DPP6: variants seen among roughly 807,000 people sequenced by gnomAD.
DPP6 encodes dipeptidyl peptidase like 6.
DPP6 carries 69 observed loss-of-function variants against 122.6 expected under a neutral mutation model. The ratio of observed to expected loss-of-function variants is 0.56; its 90% CI spans 0.46 to 0.69. The LOEUF (loss-of-function observed/expected upper bound fraction) is 0.69, where lower values mean the gene tolerates loss of function less well. Ranked by LOEUF, DPP6 falls within the 30% of genes least tolerant of loss-of-function variation. The pLI is 0.00. For missense variants in DPP6, 928 were observed against 1,116.9 expected (o/e 0.83, Z 2.41); for synonymous variants, 418 against 433.1 (o/e 0.97, Z 0.43).
At chr7:154,782,714 C>T (rs1470122201) in intron 10 of DPP6, among the ~76,000 whole-genome samples, 2 of 152,104 alleles carry the variant, frequency 1.3e-5, no homozygotes, top group Admixed American at 6.5e-5. Flanking sequence ...AAGTGCTTGT[C>T]CCCACCCCCA....
intron 1 of DPP6, among the ~76,000 whole-genome samples, chr7:154,156,168 G>C (rs1023824580): frequency 6.6e-6 from 1 of 151,914 alleles, no homozygotes. Context: ...GGGTCATCCC[G>C]AGGCCCTGTG....
At chr7:154,876,756 G>A (rs1355129441) in intron 20 of DPP6, 1 of 152,226 alleles carries the variant, frequency 6.6e-6, no homozygotes, top group Non-Finnish European at 1.5e-5. Context: ...TCAAGACACT[G>A]CGCCAGGCTG....
At chr7:154,305,016 C>CAG in intron 1 of DPP6, 2 of 152,640 alleles carry the variant, frequency 1.3e-5, no homozygotes, top group Admixed American at 6.7e-5. Flanking sequence ...TCCGCGGCCC[C>CAG]CTCCCCAGCC....
At chr7:154,086,763 G>A (rs1462790239) in intron 1 of DPP6, among the ~76,000 whole-genome samples, 1 of 151,784 alleles carries the variant, frequency 6.6e-6, no homozygotes, top group Non-Finnish European at 1.5e-5. Flanking sequence ...GCATTACAGG[G>A]GCCCATCACC....
intron 6 of DPP6, among the ~76,000 whole-genome samples, chr7:154,663,880 A>G (rs1837950447): frequency 9.2e-6 from 1 of 108,442 alleles, no homozygotes; most frequent in African/African-American, 2.7e-5. Context: ...TATTGGCCGT[A>G]GTGTTCATAT....
At chr7:154,812,631 A>G (rs1799142175) in intron 16 of DPP6, among the ~76,000 whole-genome samples, 1 of 151,966 alleles carries the variant, frequency 6.6e-6, no homozygotes, top group South Asian at 2.1e-4. Context: ...CACTCTTGGG[A>G]CCTAATCACC....
At chr7:154,012,133 A>C (rs1014023049) in intron 1 of DPP6, among the ~76,000 whole-genome samples, 2 of 152,224 alleles carry the variant, frequency 1.3e-5, no homozygotes, top group African/African-American at 4.8e-5. Flanking sequence ...CAAAGAAGAC[A>C]CTATTAGAGC....
intron 8 of DPP6, among the ~76,000 whole-genome samples, chr7:154,734,544 G>A (rs1022559417): frequency 7.2e-5 from 11 of 152,334 alleles, no homozygotes; most frequent in African/African-American, 2.6e-4. Context: ...TTGGAATGAT[G>A]TTCAAATATG....
the DPP6 span, among the ~76,000 whole-genome samples, chr7:153,791,022 A>T: frequency 1.3e-5 from 2 of 152,220 alleles, no homozygotes; most frequent in Non-Finnish European, 2.9e-5. Flanking sequence ...TTGACTTTTC[A>T]TGATATAGTG....
At chr7:154,314,529 G>A (rs1426149437) in intron 1 of DPP6, among the ~76,000 whole-genome samples, 1 of 152,150 alleles carries the variant, frequency 6.6e-6, no homozygotes, top group Admixed American at 6.5e-5. Context: ...CAAAGGGCAC[G>A]TCTTTTCCAA....
At chr7:154,770,933 G>C (rs1352513392) in intron 9 of DPP6, among the ~76,000 whole-genome samples, 1 of 152,238 alleles carries the variant, frequency 6.6e-6, no homozygotes, top group Non-Finnish European at 1.5e-5. Flanking sequence ...GCTTCACTAG[G>C]CTTCTCCAAG....
At chr7:154,675,170 G>A (rs1030475256) in intron 7 of DPP6, among the ~76,000 whole-genome samples, 4 of 152,018 alleles carry the variant, frequency 2.6e-5, no homozygotes, top group Admixed American at 2.0e-4. Context: ...AGAACACATG[G>A]ACACAGGGCA....
Position 154,875,892 on chromosome 7 carries a change from G to T in DPP6, c.1884-14G>T. The T allele has an allele frequency of 6.2e-7, 1 of 1,601,288 alleles. No individual in the cohort carries two copies. On this transcript the variant is annotated splice_polypyrimidine_tract_variant and intron_variant, in intron 19 of 25. Coordinates refer to ENST00000377770, the MANE Select transcript of DPP6 (RefSeq NM_130797.4). This position sits in a 1 kb window ranked among gnomAD's most constrained non-coding sequence, Gnocchi z 4.5. ...CACGCAGCAGGCCTGCTGAGCCCGGGATTCTCTTTCCAGGGATGGCACCCC... is the reference window on the plus strand; with the variant it reads ...CACGCAGCAGGCCTGCTGAGCCCGGTATTCTCTTTCCAGGGATGGCACCCC...
intron 1 of DPP6, among the ~76,000 whole-genome samples, chr7:154,383,946 G>A (rs1026287973): frequency 2.7e-5 from 4 of 149,762 alleles, no homozygotes; most frequent in African/African-American, 7.4e-5. Flanking sequence ...CCATCTCTTC[G>A]ATTCATGAAA....
chr7:154,424,843 G>A (rs1180069233), intron 1 of DPP6, among the ~76,000 whole-genome samples: 3 of 152,104 alleles, frequency 2.0e-5, no homozygotes, highest in African/African-American at 7.2e-5. Flanking sequence ...TCATTTGCAA[G>A]TTGAAGGCAC....
At chr7:154,191,393 T>A (rs1798610323) in intron 1 of DPP6, among the ~76,000 whole-genome samples, 1 of 152,238 alleles carries the variant, frequency 6.6e-6, no homozygotes, top group African/African-American at 2.4e-5. Flanking sequence ...GCCTTATTTA[T>A]AAAATAGTGA....
intron 1 of DPP6, among the ~76,000 whole-genome samples, chr7:154,229,031 G>A (rs1363860774): frequency 1.3e-5 from 2 of 152,186 alleles, no homozygotes; most frequent in Non-Finnish European, 1.5e-5. Context: ...GTGAGTAGGA[G>A]CATTGTCCTG....
intron 5 of DPP6, among the ~76,000 whole-genome samples, chr7:154,567,255 A>G: frequency 6.6e-6 from 1 of 152,196 alleles, no homozygotes; most frequent in East Asian, 1.9e-4. Flanking sequence ...TTTTATCCTA[A>G]GAACAAAAAG....
intron 1 of DPP6, among the ~76,000 whole-genome samples, chr7:154,436,671 C>G (rs945476763): frequency 1.3e-5 from 2 of 152,152 alleles, no homozygotes; most frequent in African/African-American, 4.8e-5. Context: ...TGAGTGTAAC[C>G]TGAATTTCCT....
Sources: gnomAD v4.1 joint callset for allele counts (sites outside exome capture counted in the v4.1 genomes callset) on GRCh38, gnomAD v4.1.1 for gene constraint, Gnocchi (gnomAD v3.1) non-coding constraint, MANE v1.5 for transcripts, NCBI Gene and HGNC (gene_info 2026-07-23, HGNC 2026-07-21) for gene names.